Variants in RIOK1 observed in about 807,000 individuals in gnomAD.
RIOK1 encodes RIO kinase 1, also known as serine/threonine-protein kinase RIO1.
In RIOK1, 66 loss-of-function variants were observed where a neutral mutation model predicts 73.5. The observed-to-expected ratio is 0.90, with a 90% CI of 0.74 to 1.10. The LOEUF is 1.10. Among genes scored for constraint, RIOK1 ranks in the 50% least tolerant of loss-of-function variants. The pLI is 0.00. For missense variants in RIOK1, 658 were observed against 699.8 expected (o/e 0.94, Z 0.67); for synonymous variants, 224 against 226.8 (o/e 0.99, Z 0.11).
chr6:7,414,966 C>G (rs1046761722), intron 16 of RIOK1, among the ~76,000 whole-genome samples: 9 of 152,220 alleles, frequency 5.9e-5, no homozygotes, highest in Admixed American at 5.9e-4. Context: ...ACACTCCCCA[C>G]CCGTTAGTCA....
chr6:7,395,321 C>T (rs1761446508), intron 3 of RIOK1, among the ~76,000 whole-genome samples, 178 bp downstream of exon 3: 1 of 152,014 alleles, frequency 6.6e-6, no homozygotes, highest in Non-Finnish European at 1.5e-5. Flanking sequence ...TGAGACCAGC[C>T]TGACCAACAT....
In RIOK1 at chr6:7,412,875, A is replaced by C; in HGVS notation, c.1390-14A>C. The C allele has an allele frequency of 7.0e-7, 1 of 1,425,396 alleles. No homozygotes were observed. The highest frequency in any genetic ancestry group is 9.4e-7 in the Non-Finnish European group (1 of 1,061,672). 88.3% of individuals were successfully genotyped at this position (1,425,396 alleles called of 1,614,324 possible). A position where few individuals can be genotyped will look rare whatever the true frequency, so the allele number is the denominator to read the frequency against. ...TGTTGATCCTTATTTTTTTTTTTTC[A>C]TTTTGGTTATAAGATTCTATACCAG... On this transcript the variant is annotated splice_polypyrimidine_tract_variant and intron_variant, in intron 14 of 16. Coordinates refer to ENST00000379834, the MANE Select transcript of RIOK1 (RefSeq NM_031480.3).
chr6:7,410,788 A>G (rs1281128477), intron 13 of RIOK1, among the ~76,000 whole-genome samples: 1 of 152,180 alleles, frequency 6.6e-6, no homozygotes, highest in Non-Finnish European at 1.5e-5. Context: ...GATTCTAGAA[A>G]TGTTATAGAT....
At chr6:7,411,733 T>C (rs1761887368) in intron 14 of RIOK1, among the ~76,000 whole-genome samples, 3 of 152,242 alleles carry the variant, frequency 2.0e-5, no homozygotes, top group Admixed American at 6.5e-5. Flanking sequence ...TTATATTAGG[T>C]CCATTAACAT....
intron 4 of RIOK1, among the ~76,000 whole-genome samples, chr6:7,397,022 A>G (rs1311385421): frequency 2.0e-5 from 3 of 152,066 alleles, no homozygotes; most frequent in Admixed American, 1.3e-4. Context: ...CCATCACTTC[A>G]GAAGGCCGAG....
At chr6:7,396,216 T>C (rs1162453021) in intron 3 of RIOK1, among the ~76,000 whole-genome samples, 2 of 152,218 alleles carry the variant, frequency 1.3e-5, no homozygotes. Flanking sequence ...GAAGGCCATC[T>C]TTCTATTCTT....
chr6:7,395,242 G>C (rs959191934), intron 3 of RIOK1, 99 bp downstream of exon 3: 12 of 1,365,300 alleles, frequency 8.8e-6, no homozygotes, highest in Non-Finnish European at 9.1e-6. Context: ...GGCTGGCCGT[G>C]GTGGCTCACG....
intron 16 of RIOK1, among the ~76,000 whole-genome samples, chr6:7,415,344 T>C (rs1761973740): frequency 6.6e-6 from 1 of 152,114 alleles, no homozygotes; most frequent in South Asian, 2.1e-4. Flanking sequence ...TTTGAGGTTC[T>C]AGTGAGCTGA....
intron 1 of RIOK1, among the ~76,000 whole-genome samples, chr6:7,391,259 T>G (rs942493): frequency 0.88 from 133,708 of 152,144 alleles, 59,373 homozygotes; most frequent in Middle Eastern, 0.96. Context: ...GAGGCATTGG[T>G]AAATACCATC....
chr6:7,395,863 C>T (rs548295551), intron 3 of RIOK1, among the ~76,000 whole-genome samples: 121 of 152,242 alleles, frequency 7.9e-4, no homozygotes, highest in African/African-American at 2.8e-3. Flanking sequence ...GTGCACACCA[C>T]CACACCCGGC....
rs753714165 is a variant in RIOK1, at chr6:7,402,598, T to C, written c.574-5T>C. 6.4e-7 allele frequency: 1 copy of C among 1,563,708 alleles called. No homozygotes were observed. The highest frequency in any genetic ancestry group is 1.4e-5 in the African/African-American group (1 of 72,036). On this transcript the variant is annotated splice_region_variant and splice_polypyrimidine_tract_variant and intron_variant, in intron 6 of 16. Coordinates refer to ENST00000379834, the MANE Select transcript of RIOK1 (RefSeq NM_031480.3). ...TCATTTTCTTTTTTTTTTGACTTAATATAGGCTAATGTATACCATGCTAGC... is the reference window on the plus strand; with the variant it reads ...TCATTTTCTTTTTTTTTTGACTTAACATAGGCTAATGTATACCATGCTAGC...
chr6:7,389,947 G>C lies in RIOK1; in HGVS notation c.-56G>C. The C allele has an allele frequency of 7.0e-7, 1 of 1,431,172 alleles. No individual in the cohort carries two copies. The highest frequency in any genetic ancestry group is 9.6e-7 in the Non-Finnish European group (1 of 1,041,528). 88.7% of individuals were successfully genotyped at this position (1,431,172 alleles called of 1,614,324 possible). ...CTTTGGATCGGCCGTGGGTACATCC[G>C]TCTGAGCCGTTCCTTTCCATCGCAG... On this transcript the variant is annotated 5_prime_UTR_variant, in exon 1 of 17. Coordinates refer to ENST00000379834, the MANE Select transcript of RIOK1 (RefSeq NM_031480.3).
intron 11 of RIOK1, 56 bp from the exon 12 acceptor site, chr6:7,405,193 G>T: frequency 8.3e-7 from 1 of 1,198,678 alleles, no homozygotes; most frequent in East Asian, 2.3e-5. Context: ...TAAGGTAGTT[G>T]GAATAATAAT....
chr6:7,398,638 A>T, intron 4 of RIOK1, 60 bp from the exon 5 acceptor site: 1 of 1,241,954 alleles, frequency 8.1e-7, no homozygotes, highest in Non-Finnish European at 1.2e-6. Context: ...TACATTTAGA[A>T]GATTTTGGCT....
chr6:7,412,651 C>CA (rs35985238), intron 14 of RIOK1, among the ~76,000 whole-genome samples: 726 of 123,376 alleles, frequency 5.9e-3, no homozygotes, highest in African/African-American at 0.015. Context: ...GACTCCGTCT[C>CA]AAAAAAAAAA....
At chr6:7,401,191 G>A (rs893797296) in intron 6 of RIOK1, 141 bp downstream of exon 6, 5 of 652,158 alleles carry the variant, frequency 7.7e-6, no homozygotes, top group Non-Finnish European at 1.1e-5. Context: ...TAGAGAGGAA[G>A]TTGTACATAT....
Position 7,417,385 on chromosome 6 carries a change from C to G in RIOK1, c.1651C>G (p.Pro551Ala). Reference protein sequence around the residue: ...AQREKRKNKIPKHVKKRKEKT... With the variant: ...AQREKRKNKIAKHVKKRKEKT... ...GAGAGAGAAAAGAAAAAACAAAATTCCTAAACATGTGAAAAAAAGAAAGGA... is the reference window on the plus strand; with the variant it reads ...GAGAGAGAAAAGAAAAAACAAAATTGCTAAACATGTGAAAAAAAGAAAGGA... The change falls in exon 17 of 17, where the codon CCT becomes GCT. Residue 551 changes from proline to alanine, a missense_variant. Transcript: ENST00000379834. 1.9e-6 allele frequency: 3 copies of G among 1,568,834 alleles called. No homozygotes were observed. Among genetic ancestry groups the G allele is most frequent in the Non-Finnish European group, 2.6e-6 (3 of 1,156,656 alleles).
intron 8 of RIOK1, among the ~76,000 whole-genome samples, chr6:7,403,307 A>G (rs2113513742): frequency 6.6e-6 from 1 of 152,316 alleles, no homozygotes; most frequent in South Asian, 2.1e-4. Flanking sequence ...TTTTCGACTA[A>G]TCTTGTTAGG....
intron 5 of RIOK1, among the ~76,000 whole-genome samples, chr6:7,399,706 G>A (rs533745370): frequency 6.6e-5 from 10 of 152,114 alleles, no homozygotes; most frequent in African/African-American, 1.9e-4. Context: ...TGCCAACTTC[G>A]CAGAAGCACA....
Sources: allele counts gnomAD v4.1 joint callset (sites outside exome capture counted in the v4.1 genomes callset), GRCh38; gene constraint gnomAD v4.1.1; transcripts MANE v1.5; gene names NCBI Gene and HGNC (gene_info 2026-07-23, HGNC 2026-07-21).